ITGAX: variants seen among roughly 807,000 people sequenced by gnomAD.
The protein encoded by ITGAX is integrin subunit alpha X, also known as integrin alpha-X.
A neutral mutation model predicts 140.2 loss-of-function variants in ITGAX; 99 were observed. The ratio of observed to expected loss-of-function variants is 0.71; its 90% CI spans 0.60 to 0.83. The LOEUF (loss-of-function observed/expected upper bound fraction) is 0.83, where lower values mean the gene tolerates loss of function less well. ITGAX is among the 40% of genes least tolerant of loss of function. The pLI, the probability that ITGAX is intolerant of heterozygous loss-of-function variation, is 0.00. For missense variants in ITGAX, 1,444 were observed against 1,482.0 expected, an observed-to-expected ratio of 0.97 and a Z score of 0.42; for synonymous variants, 631 against 600.4, an observed-to-expected ratio of 1.05 and a Z score of -0.75.
Position 31,362,615 on chromosome 16 carries a change from C to T in ITGAX, c.1221C>T (p.Tyr407=), listed in dbSNP as rs199816923. The T allele has an allele frequency of 5.2e-5, 84 of 1,611,114 alleles. No homozygotes were observed. The highest frequency in any genetic ancestry group is 7.0e-5 in the Non-Finnish European group (82 of 1,179,152). ...GCTGAGGCCTGGGCCCCTCAGGTTACTCCACCGAGCTGGCCCTCTGGAAAG... is the reference window on the plus strand; with the variant it reads ...GCTGAGGCCTGGGCCCCTCAGGTTATTCCACCGAGCTGGCCCTCTGGAAAG... ...NVDMRDSYLG[Y]STELALWKGV... The change falls in exon 12 of 30, where the codon TAC becomes TAT. Residue 407 remains tyrosine, a synonymous_variant. Coordinates refer to ENST00000268296, the MANE Select transcript of ITGAX (RefSeq NM_000887.5).
In ITGAX at chr16:31,377,247, T is replaced by A. The variant is rs2081028540; in HGVS notation, c.2771T>A (p.Val924Asp). The change falls in exon 23 of 30, where the codon GTC becomes GAC. Residue 924 changes from valine to aspartate, a missense_variant. Coordinates refer to ENST00000268296, the MANE Select transcript of ITGAX (RefSeq NM_000887.5). ...CTGGAGCTCCCGGTGAAGTATGCTG[T>A]CTACACTGTGGTTAGCAGGTCAGCA... Reference protein sequence around the residue: ...FQLELPVKYAVYTVVSSHEQF... With the variant: ...FQLELPVKYADYTVVSSHEQF... The A allele has an allele frequency of 6.2e-7, 1 of 1,612,702 alleles. No homozygotes were observed. The highest frequency in any genetic ancestry group is 2.2e-5 in the East Asian group (1 of 44,838).
rs558736483 is a variant in ITGAX, at chr16:31,375,911, C to T, written c.2509-888C>T. On this transcript the variant is annotated intron_variant, in intron 20 of 29. Transcript: ENST00000268296. Reference sequence around the variant, plus strand: ...TTTTAACAAATGAGCTGTAAAATAACATTTTTGGAGACAATCTAAGAAAAT... The same window carrying T: ...TTTTAACAAATGAGCTGTAAAATAATATTTTTGGAGACAATCTAAGAAAAT... Among the ~76,000 whole-genome samples, 6 of 152,268 alleles carry T rather than the reference C, an allele frequency of 3.9e-5. No homozygotes were observed. In the South Asian group the frequency reaches 1.0e-3, roughly 26 times the overall value.
At chr16:31,360,136 C>T (rs923198276) in intron 7 of ITGAX, 71 bp downstream of exon 7, 21 of 1,581,756 alleles carry the variant, frequency 1.3e-5, no homozygotes, top group East Asian at 4.5e-5. Context: ...TCTGTCTCCA[C>T]GAGAAGGGGA....
chr16:31,359,408 C>T (rs2080796713), intron 5 of ITGAX, among the ~76,000 whole-genome samples: 1 of 152,146 alleles, frequency 6.6e-6, no homozygotes, highest in African/African-American at 2.4e-5. Context: ...TCGTGATCCG[C>T]CCCCCTCGGC....
intron 17 of ITGAX, 123 bp from the exon 18 acceptor site, chr16:31,372,255 G>A (rs1199898850): frequency 1.8e-6 from 2 of 1,124,842 alleles, no homozygotes; most frequent in Non-Finnish European, 2.5e-6. Flanking sequence ...ACGCTGAGCA[G>A]GCTCTGGAGG....
intron 20 of ITGAX, among the ~76,000 whole-genome samples, chr16:31,375,681 C>T (rs531846760): frequency 2.6e-5 from 4 of 152,296 alleles, no homozygotes; most frequent in South Asian, 2.1e-4. Context: ...AACGAAAATT[C>T]GAACTAGGTC....
At position 31,379,627 on chromosome 16, in the gene ITGAX, T is replaced by C. The variant is rs2081049424; in HGVS notation, c.2849T>C (p.Val950Ala). Residue 950 changes from valine (V) to alanine (A), a missense_variant, in exon 24 of 30, where the codon GTG (valine) becomes GCG (alanine). Val to Ala is a moderately conservative substitution (Grantham distance 64). Transcript: ENST00000268296. ...GAGTCTGAGGAGAAGGAAAGCCATG[T>C]GGCCATGCACAGATACCAGGCAGGT... Reference protein sequence around the residue: ...FSESEEKESHVAMHRYQVNNL... With the variant: ...FSESEEKESHAAMHRYQVNNL... 9 of 1,563,450 alleles carry C rather than the reference T, an allele frequency of 5.8e-6. No homozygotes were observed. The highest frequency in any genetic ancestry group is 4.7e-5 in the South Asian group (4 of 85,070).
At chr16:31,360,815 A>T (rs2080816141) in intron 8 of ITGAX, 2 of 527,754 alleles carry the variant, frequency 3.8e-6, no homozygotes, top group Non-Finnish European at 6.7e-6. Context: ...CGCCAACAAC[A>T]TCCCTTTCAA....
At chr16:31,356,603 A>G (rs1356196079) in intron 2 of ITGAX, 22 bp from the exon 3 acceptor site, 1 of 1,556,646 alleles carries the variant, frequency 6.4e-7, no homozygotes, top group Non-Finnish European at 8.7e-7. Flanking sequence ...TCTTACCTAA[A>G]GTGTTCTTTG....
In ITGAX at chr16:31,377,075, A is replaced by G; in HGVS notation, c.2701A>G (p.Ser901Gly). 6.2e-7 allele frequency: 1 copy of G among 1,614,150 alleles called. No individual in the cohort carries two copies. Among genetic ancestry groups the G allele is most frequent in the Non-Finnish European group, 8.5e-7 (1 of 1,180,034 alleles). ...GDRLLLTANV[S>G]SENNTPRTSK... ...CCGGCTGCTTCTGACAGCCAATGTG[A>G]GCAGGTGAGCCGGGCCAGGCCAGGG... The change falls in exon 22 of 30, where the codon AGC (serine) becomes GGC (glycine). Residue 901 changes from serine (S) to glycine (G), a missense_variant. Ser to Gly is a moderately conservative substitution (Grantham distance 56). Transcript: ENST00000268296.
chr16:31,356,707 T>C lies in ITGAX; in HGVS notation c.226T>C (p.Cys76Arg). 1 of 1,591,864 alleles carries C rather than the reference T, an allele frequency of 6.3e-7. No individual in the cohort carries two copies. Among genetic ancestry groups the C allele is most frequent in the South Asian group, 1.1e-5 (1 of 87,404 alleles). ...LYQCGYSTGA[C>R]EPIGLQVPPE... ...CCAGTGTGGCTACAGCACTGGTGCC[T>C]GTGAGCCCATCGGCCTGCAGGGTGA... is the stretch of plus-strand genomic sequence containing the variant. Residue 76 changes from cysteine to arginine, a missense_variant, in exon 3 of 30, where the codon TGT (cysteine) becomes CGT (arginine). Physicochemically the swap from Cys to Arg is radical, Grantham distance 180. Transcript: ENST00000268296.
chr16:31,360,052 A>T lies in ITGAX; in HGVS notation c.694A>T (p.Ile232Phe). 1 of 1,611,088 alleles carries T rather than the reference A, an allele frequency of 6.2e-7. No individual in the cohort carries two copies. Among genetic ancestry groups the T allele is most frequent in the Non-Finnish European group, 8.5e-7 (1 of 1,180,018 alleles). The change falls in exon 7 of 30, where the codon ATC becomes TTC. Residue 232 changes from isoleucine to phenylalanine, a missense_variant. Transcript: ENST00000268296. Reference sequence around the variant, plus strand: ...AGGGTTTACATACACGGCCACCGCCATCCAAAATGTCGTGTGAGTCCTGAT... The same window carrying T: ...AGGGTTTACATACACGGCCACCGCCTTCCAAAATGTCGTGTGAGTCCTGAT... ...LQGFTYTATA[I>F]QNVVHRLFHA...
In ITGAX at chr16:31,379,545, A is replaced by G. The variant is rs372038287; in HGVS notation, c.2790-23A>G. ...AGATGCCCCATGGTAGTTCACATCC[A>G]CTTATGCGTCTTCTCTCTCCAGCCA... is the stretch of plus-strand genomic sequence containing the variant. On this transcript the variant is annotated intron_variant, in intron 23 of 29. Transcript: ENST00000268296. 2.2e-5 allele frequency: 34 copies of G among 1,554,106 alleles called. No homozygotes were observed. In the African/African-American group the frequency reaches 4.4e-4, roughly 20 times the overall value.
intron 17 of ITGAX, 126 bp from the exon 18 acceptor site, chr16:31,372,252 G>A: frequency 9.2e-7 from 1 of 1,088,496 alleles, no homozygotes; most frequent in Non-Finnish European, 1.3e-6. Flanking sequence ...GTGACGCTGA[G>A]CAGGCTCTGG....
chr16:31,358,268 AG>A (rs1404124160), intron 5 of ITGAX: 1 of 152,112 alleles, frequency 6.6e-6, no homozygotes, highest in African/African-American at 2.4e-5. Flanking sequence ...TTCACACAGG[AG>A]GGGAGTGGGG....
intron 9 of ITGAX, chr16:31,361,525 A>G: frequency 1.5e-6 from 1 of 679,302 alleles, no homozygotes. Context: ...GGCCCTACCC[A>G]GCCCACATCC....
At chr16:31,359,608 G>A (rs113279134) in intron 5 of ITGAX, 92 bp from the exon 6 acceptor site, 3 of 1,478,944 alleles carry the variant, frequency 2.0e-6, no homozygotes, top group Admixed American at 1.9e-5. Flanking sequence ...GGGGAGGAAG[G>A]GTTTTGGGAG....
intron 8 of ITGAX, chr16:31,360,829 T>A: frequency 1.9e-6 from 1 of 539,002 alleles, no homozygotes; most frequent in Non-Finnish European, 3.3e-6. Context: ...CTTTCAAGGA[T>A]AGAAACACCA....
rs1167084736 is a variant in ITGAX at position 31,380,037 on chromosome 16, T to G, written c.3032T>G (p.Leu1011Arg). Residue 1011 changes from leucine (L) to arginine (R), a missense_variant, in exon 26 of 30, where the codon CTG becomes CGG. Leu to Arg is a moderately radical substitution (Grantham distance 102). Transcript: ENST00000268296. ...EKIAPPASDFLAHIQKNPVLD... is the reference protein window; with the variant it reads ...EKIAPPASDFRAHIQKNPVLD... ...ATCGCACCCCCAGCATCTGACTTCC[T>G]GGCGCACATTCAGAAGAATCCCGTG... The G allele has an allele frequency of 6.2e-7, 1 of 1,614,134 alleles. No individual in the cohort carries two copies. Among genetic ancestry groups the G allele is most frequent in the East Asian group, 2.2e-5 (1 of 44,874 alleles).
Sources: allele counts gnomAD v4.1 joint callset (sites outside exome capture counted in the v4.1 genomes callset), GRCh38; gene constraint gnomAD v4.1.1; transcripts MANE v1.5; gene names NCBI Gene and HGNC (gene_info 2026-07-23, HGNC 2026-07-21).